MACROD2: variants seen among roughly 807,000 people sequenced by gnomAD.
MACROD2 encodes the protein mono-ADP ribosylhydrolase 2, also known as ADP-ribose glycohydrolase MACROD2.
A neutral mutation model predicts 70.4 loss-of-function variants in MACROD2; 36 were observed. The observed-to-expected ratio is 0.51, with a 90% CI of 0.39 to 0.68. MACROD2 has a LOEUF of 0.68. Among genes scored for constraint, MACROD2 ranks in the 30% least tolerant of loss-of-function variants. MACROD2 has a pLI of 0.00. For synonymous variants in MACROD2, 172 were observed against 178.8 expected (o/e 0.96, Z 0.30); for missense variants, 496 against 538.4 (o/e 0.92, Z 0.78).
intron 8 of MACROD2, among the ~76,000 whole-genome samples, chr20:15,837,973 A>G (rs534561746): frequency 2.0e-5 from 3 of 152,318 alleles, no homozygotes; most frequent in African/African-American, 4.8e-5. Flanking sequence ...GATTGTTGGC[A>G]CTTGAGTTTT....
At chr20:14,295,730 G>A (rs1024754426) in intron 3 of MACROD2, among the ~76,000 whole-genome samples, 1 of 151,886 alleles carries the variant, frequency 6.6e-6, no homozygotes, top group African/African-American at 2.4e-5. Context: ...CTGATGTATT[G>A]TCATCTCACA....
intron 3 of MACROD2, among the ~76,000 whole-genome samples, chr20:14,278,064 G>A (rs1049696009): frequency 2.6e-5 from 4 of 152,188 alleles, no homozygotes; most frequent in African/African-American, 9.7e-5. Flanking sequence ...ACAAGTGAGA[G>A]GAGTTATAAG....
At chr20:15,990,844 T>G (rs2066548120) in intron 15 of MACROD2, among the ~76,000 whole-genome samples, 1 of 152,140 alleles carries the variant, frequency 6.6e-6, no homozygotes, top group African/African-American at 2.4e-5. Context: ...AGGGTAATAA[T>G]GAGGGGCATG....
At chr20:15,424,724 A>T (rs1282391435) in intron 6 of MACROD2, among the ~76,000 whole-genome samples, 2 of 152,164 alleles carry the variant, frequency 1.3e-5, no homozygotes, top group African/African-American at 2.4e-5. Context: ...TGTCTCTGAG[A>T]AAAGAAAAAG....
rs140552028 is a variant in MACROD2 at position 15,418,305 on chromosome 20, T to A, written c.541-13100T>A. On this transcript the variant is annotated intron_variant, in intron 6 of 17. Coordinates refer to ENST00000684519, the MANE Select transcript of MACROD2 (RefSeq NM_001351661.2). ...CTCCTGAGTATTCTGTCCATTTCTA[T>A]GATCTTCCAGTAAATATTGTTGAAT... Among the ~76,000 whole-genome samples, 20 of 152,356 alleles carry A rather than the reference T, an allele frequency of 1.3e-4. No individual in the cohort carries two copies. The East Asian group carries it at 2.7e-3, about 21-fold the overall frequency.
intron 6 of MACROD2, among the ~76,000 whole-genome samples, chr20:15,250,152 T>A (rs1447254900): frequency 6.6e-6 from 1 of 152,196 alleles, no homozygotes; most frequent in Non-Finnish European, 1.5e-5. Context: ...GACTATTCCA[T>A]CTGTCAAGAT....
At chr20:14,295,779 T>A (rs1980622) in intron 3 of MACROD2, among the ~76,000 whole-genome samples, 151,993 of 152,004 alleles carry the variant, frequency 1, 75,991 homozygotes, top group Middle Eastern at 1. Context: ...AGGAAGACAC[T>A]GTGCGACTGA....
chr20:14,820,470 C>T (rs958066536), intron 5 of MACROD2, among the ~76,000 whole-genome samples: 4 of 148,732 alleles, frequency 2.7e-5, no homozygotes, highest in Non-Finnish European at 5.9e-5. Flanking sequence ...GCTCAACTTA[C>T]TCACAAGGTC....
intron 3 of MACROD2, among the ~76,000 whole-genome samples, chr20:14,436,112 C>A (rs1244151107): frequency 1.3e-5 from 2 of 151,988 alleles, no homozygotes; most frequent in African/African-American, 4.8e-5. Flanking sequence ...GGTTGGCAGA[C>A]TGCATATCAG....
chr20:14,490,364 A>G (rs1221608928), intron 3 of MACROD2, among the ~76,000 whole-genome samples: 2 of 152,176 alleles, frequency 1.3e-5, no homozygotes, highest in African/African-American at 4.8e-5. Flanking sequence ...CACTTTGTAA[A>G]CAGTAAAACT....
intron 8 of MACROD2, among the ~76,000 whole-genome samples, chr20:15,793,835 T>C (rs2063647706): frequency 6.8e-6 from 1 of 147,438 alleles, no homozygotes; most frequent in Admixed American, 6.8e-5. Context: ...ACATCTATAT[T>C]ATATAAATAA....
At chr20:15,559,211 A>G (rs968188917) in intron 8 of MACROD2, among the ~76,000 whole-genome samples, 1 of 134,518 alleles carries the variant, frequency 7.4e-6, no homozygotes, top group African/African-American at 2.9e-5. Context: ...TGGGCGACAG[A>G]GCGAAACTCC....
In MACROD2 at chr20:14,213,701, A is replaced by G. The variant is rs555353222; in HGVS notation, c.271+127973A>G. ...TCTCTATGGACTGGGAGAGCTCAGG[A>G]ACAATATAGCTTTAAAAAGTTTTTC... is the stretch of plus-strand genomic sequence containing the variant. On this transcript the variant is annotated intron_variant, in intron 3 of 17. Coordinates refer to ENST00000684519, the MANE Select transcript of MACROD2 (RefSeq NM_001351661.2). 1.8e-4 allele frequency among the ~76,000 whole-genome samples: 28 copies of G among 152,238 alleles called. No individual in the cohort carries two copies. In the East Asian group the frequency reaches 5.4e-3, roughly 29 times the overall value.
chr20:15,118,484 C>G (rs573052685), intron 5 of MACROD2, among the ~76,000 whole-genome samples: 5 of 152,234 alleles, frequency 3.3e-5, no homozygotes, highest in African/African-American at 1.2e-4. Flanking sequence ...AGCCACCATG[C>G]CCAGCCTAAA....
intron 3 of MACROD2, among the ~76,000 whole-genome samples, chr20:14,188,120 A>G (rs1360161818): frequency 3.3e-5 from 5 of 152,188 alleles, no homozygotes; most frequent in Admixed American, 3.3e-4. Flanking sequence ...CCTACAGGTT[A>G]GAGTTTCTCA....
chr20:15,161,607 A>G (rs2076348920), intron 5 of MACROD2, among the ~76,000 whole-genome samples: 1 of 151,952 alleles, frequency 6.6e-6, no homozygotes, highest in Admixed American at 6.6e-5. Flanking sequence ...GAAAAAATCC[A>G]GTAAATTACG....
At chr20:14,075,011 T>C (rs541697265) in intron 2 of MACROD2, among the ~76,000 whole-genome samples, 1 of 152,300 alleles carries the variant, frequency 6.6e-6, no homozygotes, top group Non-Finnish European at 1.5e-5. Flanking sequence ...AGTTATCACA[T>C]TCACTGTCTG....
chr20:15,678,801 A>G (rs890175487), intron 8 of MACROD2, among the ~76,000 whole-genome samples: 1 of 151,968 alleles, frequency 6.6e-6, no homozygotes, highest in Non-Finnish European at 1.5e-5. Context: ...GTGTTGGGAA[A>G]CTGATAATCT....
chr20:14,620,721 A>C (rs371605909), intron 4 of MACROD2, among the ~76,000 whole-genome samples: 179 of 152,222 alleles, frequency 1.2e-3, no homozygotes, highest in African/African-American at 3.9e-3. Context: ...TCTGCTAGAC[A>C]GAAAACATAA....
Sources: allele counts gnomAD v4.1 joint callset (sites outside exome capture counted in the v4.1 genomes callset), GRCh38; gene constraint gnomAD v4.1.1; transcripts MANE v1.5; gene names NCBI Gene and HGNC (gene_info 2026-07-23, HGNC 2026-07-21).